FGF12: variants seen among roughly 807,000 people sequenced by gnomAD.
FGF12 encodes the protein fibroblast growth factor 12, also known as fibroblast growth factor 12B.
FGF12 carries 14 observed loss-of-function variants against 23.6 expected under a neutral mutation model. The observed-to-expected ratio is 0.59, with a 90% CI of 0.39 to 0.93. FGF12 has a LOEUF of 0.93. Ranked by LOEUF, FGF12 falls within the 40% of genes least tolerant of loss-of-function variation. The pLI is 0.00. For synonymous variants in FGF12, 62 were observed against 77.3 expected, an observed-to-expected ratio of 0.80 and a Z score of 1.04; for missense variants, 175 against 217.8, an observed-to-expected ratio of 0.80 and a Z score of 1.24.
At chr3:192,277,557 T>C (rs1713868548) in intron 4 of FGF12, among the ~76,000 whole-genome samples, 1 of 152,146 alleles carries the variant, frequency 6.6e-6, no homozygotes, top group Non-Finnish European at 1.5e-5. Context: ...GAGGCAAATC[T>C]CTTACTATTT....
At chr3:192,284,747 G>C (rs776586270) in intron 4 of FGF12, among the ~76,000 whole-genome samples, 2 of 151,992 alleles carry the variant, frequency 1.3e-5, no homozygotes, top group African/African-American at 4.8e-5. Context: ...ATGAAATCTA[G>C]ACAAGCTCTA....
intron 4 of FGF12, among the ~76,000 whole-genome samples, chr3:192,285,431 C>A (rs1354478245): frequency 6.6e-6 from 1 of 152,010 alleles, no homozygotes; most frequent in Non-Finnish European, 1.5e-5. Context: ...TGAAGAATAT[C>A]AGCTTATTAC....
At chr3:192,168,132 T>A (rs1715332520) in intron 5 of FGF12, among the ~76,000 whole-genome samples, 1 of 152,056 alleles carries the variant, frequency 6.6e-6, no homozygotes, top group South Asian at 2.1e-4. Flanking sequence ...GTAAAGGGAA[T>A]AAACACAACA....
chr3:192,356,242 A>G (rs1424709178), intron 3 of FGF12, among the ~76,000 whole-genome samples: 1 of 152,180 alleles, frequency 6.6e-6, no homozygotes, highest in African/African-American at 2.4e-5. Context: ...CTCAAGTGCC[A>G]GGACAGCATC....
chr3:192,499,840 G>A (rs1031396045), intron 2 of FGF12, among the ~76,000 whole-genome samples: 15 of 151,852 alleles, frequency 9.9e-5, no homozygotes, highest in Non-Finnish European at 1.8e-4. Context: ...GAGCCACCGT[G>A]CCCGGCCTGC....
rs566830321 is a variant in FGF12 at position 192,672,759 on chromosome 3, T to C, written c.13+54422A>G. 7.3e-4 allele frequency among the ~76,000 whole-genome samples: 110 copies of C among 151,108 alleles called. 4 individuals carry two copies. Among genetic ancestry groups the C allele is most frequent in the Non-Finnish European group, 1.2e-3 (83 of 67,476 alleles). On this transcript the variant is annotated intron_variant, in intron 2 of 5. Transcript: ENST00000445105. ...GGAATTCATCAAGGCCATAGAAATA[T>C]GCAGCTCAGGTACAAAGATGAAGTT...
chr3:192,512,835 A>AATATATATCTAT (rs1724523703), intron 2 of FGF12, among the ~76,000 whole-genome samples: 2 of 76,778 alleles, frequency 2.6e-5, no homozygotes, highest in African/African-American at 1.3e-4. Context: ...TACTCAAATA[A>AATATATATCTAT]ATATATATAT....
chr3:192,178,304 A>G (rs1223816452), intron 4 of FGF12, among the ~76,000 whole-genome samples: 1 of 152,146 alleles, frequency 6.6e-6, no homozygotes, highest in Non-Finnish European at 1.5e-5. Flanking sequence ...TACCAAAGAA[A>G]TGGTGGTAAT....
intron 4 of FGF12, among the ~76,000 whole-genome samples, chr3:192,280,797 AT>A (rs1714098471): frequency 1.3e-5 from 2 of 152,186 alleles, no homozygotes; most frequent in African/African-American, 2.4e-5. Flanking sequence ...ATAAATAGCA[AT>A]AATATAAGCT....
chr3:192,471,464 G>T (rs901836716), intron 2 of FGF12, among the ~76,000 whole-genome samples: 3 of 152,130 alleles, frequency 2.0e-5, no homozygotes, highest in Non-Finnish European at 4.4e-5. Flanking sequence ...TAAAAATAAT[G>T]TAATGAGAAG....
At chr3:192,235,252 T>A (rs1428821613) in intron 4 of FGF12, among the ~76,000 whole-genome samples, 1 of 152,222 alleles carries the variant, frequency 6.6e-6, no homozygotes, top group Non-Finnish European at 1.5e-5. Context: ...TTTCAATTTA[T>A]TCCTGATTCA....
intron 2 of FGF12, among the ~76,000 whole-genome samples, chr3:192,396,498 G>A (rs980658330): frequency 3.3e-5 from 5 of 152,200 alleles, no homozygotes; most frequent in African/African-American, 7.2e-5. Flanking sequence ...TAGGCTTATC[G>A]CAAATTTCAG....
intron 2 of FGF12, among the ~76,000 whole-genome samples, chr3:192,560,475 G>GA (rs1284593501): frequency 6.6e-6 from 1 of 151,770 alleles, no homozygotes; most frequent in Admixed American, 6.6e-5. Context: ...GATGAAAAAA[G>GA]AAAAAACAGT....
At chr3:192,657,152 G>A (rs1463518526) in intron 2 of FGF12, among the ~76,000 whole-genome samples, 1 of 151,476 alleles carries the variant, frequency 6.6e-6, no homozygotes, top group East Asian at 1.9e-4. Context: ...TTCTTGCACA[G>A]AATGCTTCCT....
At position 192,479,325 on chromosome 3, in the gene FGF12, T is replaced by G. The variant is rs77768428; in HGVS notation, c.14-118787A>C. ...AAGACAGAGCAGTAGGATGGGTCCC[T>G]GAGCAGATGCCCACCTGTCCAAAGT... On this transcript the variant is annotated intron_variant, in intron 2 of 5. Transcript: ENST00000445105. Among the ~76,000 whole-genome samples, 1,103 of 152,278 alleles carry G rather than the reference T, an allele frequency of 7.2e-3. 11 individuals carry two copies. Among genetic ancestry groups the G allele is most frequent in the African/African-American group, 0.026 (1,061 of 41,552 alleles).
intron 4 of FGF12, among the ~76,000 whole-genome samples, chr3:192,311,036 A>G (rs1253963404): frequency 6.6e-6 from 1 of 152,224 alleles, no homozygotes; most frequent in Non-Finnish European, 1.5e-5. Flanking sequence ...TATTGAATAC[A>G]TAAAGAACAA....
At chr3:192,615,049 A>C (rs1272553900) in intron 2 of FGF12, among the ~76,000 whole-genome samples, 1 of 151,958 alleles carries the variant, frequency 6.6e-6, no homozygotes, top group Non-Finnish European at 1.5e-5. Context: ...CCAGATATCT[A>C]CTGTGTACTC....
chr3:192,437,715 C>T (rs1001074452), intron 2 of FGF12, among the ~76,000 whole-genome samples: 15 of 145,384 alleles, frequency 1.0e-4, no homozygotes, highest in African/African-American at 4.0e-4. Flanking sequence ...ACAAAACAAA[C>T]AAACAAAAAA....
Position 192,503,645 on chromosome 3 carries a change from A to G in FGF12, c.14-143107T>C, listed in dbSNP as rs1018742175. 3.0e-4 allele frequency among the ~76,000 whole-genome samples: 41 copies of G among 136,482 alleles called. No homozygotes were observed. The East Asian group carries it at 6.5e-3, about 21-fold the overall frequency. 89.5% of individuals were successfully genotyped at this position (136,482 alleles called of 152,430 possible). On this transcript the variant is annotated intron_variant, in intron 2 of 5. Transcript: ENST00000445105. Reference sequence around the variant, plus strand: ...TTGAGATGGAGTCTCTCACTCTGTCACCCAGGCTGGAGTGCAATGGCGCAA... The same window carrying G: ...TTGAGATGGAGTCTCTCACTCTGTCGCCCAGGCTGGAGTGCAATGGCGCAA...
Sources: allele counts gnomAD v4.1 joint callset (sites outside exome capture counted in the v4.1 genomes callset), GRCh38; gene constraint gnomAD v4.1.1; transcripts MANE v1.5; gene names NCBI Gene and HGNC (gene_info 2026-07-23, HGNC 2026-07-21).